The following SCAPER variants were observed in gnomAD, a reference collection of about 807,000 sequenced individuals.
SCAPER encodes the protein S phase cyclin A-associated protein in the endoplasmic reticulum.
Under a neutral mutation model 182.2 loss-of-function variants are expected in SCAPER, and 98 were observed. The ratio of observed to expected loss-of-function variants is 0.54; its 90% CI spans 0.46 to 0.64. The LOEUF (loss-of-function observed/expected upper bound fraction) is 0.64. Ranked by LOEUF, SCAPER falls within the 30% of genes least tolerant of loss-of-function variation. The pLI is 0.00. For synonymous variants in SCAPER, 605 were observed against 564.6 expected, an observed-to-expected ratio of 1.07 and a Z score of -1.01; for missense variants, 1,432 against 1,690.0, an observed-to-expected ratio of 0.85 and a Z score of 2.68.
chr15:76,426,062 G>A (rs2046403723), intron 26 of SCAPER, among the ~76,000 whole-genome samples: 1 of 152,150 alleles, frequency 6.6e-6, no homozygotes. Context: ...CGGGGGTCAG[G>A]GACCCACTTG....
intron 21 of SCAPER, among the ~76,000 whole-genome samples, chr15:76,622,821 A>G (rs561350898): frequency 1.1e-4 from 16 of 152,288 alleles, no homozygotes; most frequent in Admixed American, 4.6e-4. Flanking sequence ...CTATGATATA[A>G]TTTAGATATT....
intron 26 of SCAPER, among the ~76,000 whole-genome samples, chr15:76,430,872 T>C (rs2046815168): frequency 6.6e-6 from 1 of 152,192 alleles, no homozygotes; most frequent in Non-Finnish European, 1.5e-5. Flanking sequence ...GTGGTTTGGC[T>C]GCATCCCCAC....
At chr15:76,648,172 C>A (rs2054706451) in intron 21 of SCAPER, among the ~76,000 whole-genome samples, 1 of 138,792 alleles carries the variant, frequency 7.2e-6, no homozygotes, top group African/African-American at 2.5e-5. Context: ...AATTCATAAA[C>A]ATATTAAATG....
chr15:76,638,881 T>A (rs945175228), intron 21 of SCAPER, among the ~76,000 whole-genome samples: 4 of 152,310 alleles, frequency 2.6e-5, no homozygotes, highest in Non-Finnish European at 5.9e-5. Context: ...ATTAATTTAT[T>A]TAATTTTCAT....
chr15:76,705,955 G>A lies in SCAPER; in HGVS notation c.2195C>T (p.Thr732Ile). The change falls in exon 18 of 32, where the codon ACA (threonine) becomes ATA (isoleucine). Residue 732 changes from threonine to isoleucine, a missense_variant. Transcript: ENST00000563290. ...RDREERLAALTAAQQEAMEEL... is the reference protein window; with the variant it reads ...RDREERLAALIAAQQEAMEEL... ...TTCCATAGCTTCTTGTTGAGCAGCT[G>A]TGAGTGCTGCCAATCGTTCTTCCCT... 1 of 1,563,998 alleles carries A rather than the reference G, an allele frequency of 6.4e-7. No homozygotes were observed. The highest frequency in any genetic ancestry group is 8.7e-7 in the Non-Finnish European group (1 of 1,156,040).
intron 24 of SCAPER, among the ~76,000 whole-genome samples, chr15:76,494,574 T>C: frequency 6.6e-6 from 1 of 152,194 alleles, no homozygotes; most frequent in East Asian, 1.9e-4. Context: ...TAGTGAAAGT[T>C]TTATGTTCAT....
intron 21 of SCAPER, among the ~76,000 whole-genome samples, chr15:76,660,848 T>G (rs1256030409): frequency 6.6e-6 from 1 of 151,880 alleles, no homozygotes; most frequent in Non-Finnish European, 1.5e-5. Flanking sequence ...AAAAACTAAT[T>G]AGAGCTTATA....
intron 21 of SCAPER, among the ~76,000 whole-genome samples, chr15:76,654,273 T>C (rs2055422096): frequency 6.6e-6 from 1 of 151,812 alleles, no homozygotes; most frequent in African/African-American, 2.4e-5. Context: ...CCGGGCATGG[T>C]GGTGGGCGCC....
rs754421669 is a variant in SCAPER at position 76,753,936 on chromosome 15, G to T, written c.1738C>A (p.Arg580=). Residue 580 remains arginine (R), a synonymous_variant, in exon 15 of 32, where the codon CGG becomes AGG. Transcript: ENST00000563290. ...QKLLEREKDV[R]KWKEELLDQR... ...TCTAGCAATTCTTCCTTCCACTTCC[G>T]GACATCCTTCTCCTACGTATAGTGA... 4.3e-6 allele frequency: 7 copies of T among 1,611,870 alleles called. No individual in the cohort carries two copies. The highest frequency in any genetic ancestry group is 1.1e-5 in the South Asian group (1 of 90,854).
intron 24 of SCAPER, among the ~76,000 whole-genome samples, chr15:76,475,105 G>A (rs1327683641): frequency 6.6e-6 from 1 of 152,118 alleles, no homozygotes; most frequent in Non-Finnish European, 1.5e-5. Context: ...CATTTATGCT[G>A]ATAAAAATAA....
chr15:76,387,352 G>T (rs1395196570), intron 27 of SCAPER, among the ~76,000 whole-genome samples: 1 of 152,206 alleles, frequency 6.6e-6, no homozygotes, highest in East Asian at 1.9e-4. Flanking sequence ...AGCTTCCCAA[G>T]CATAGGGATT....
At chr15:76,464,554 G>GA (rs59376538) in intron 25 of SCAPER, among the ~76,000 whole-genome samples, 12 of 150,444 alleles carry the variant, frequency 8.0e-5, no homozygotes, top group Admixed American at 3.3e-4. Context: ...ATGTTTGGTT[G>GA]AAAAAAAAAC....
intron 22 of SCAPER, among the ~76,000 whole-genome samples, chr15:76,576,656 AAGAC>A (rs1015426021): frequency 1.3e-5 from 2 of 152,168 alleles, no homozygotes; most frequent in Non-Finnish European, 2.9e-5. Flanking sequence ...AGAGACAGGA[AAGAC>A]AGTCTTGAAA....
intron 25 of SCAPER, among the ~76,000 whole-genome samples, chr15:76,464,262 T>G (rs1596782559): frequency 6.6e-6 from 1 of 152,094 alleles, no homozygotes; most frequent in African/African-American, 2.4e-5. Flanking sequence ...AATCATGCAG[T>G]ATTTCTGTTT....
rs998779314 is a variant in SCAPER at position 76,583,128 on chromosome 15, G to A, written c.2712-8844C>T. Among the ~76,000 whole-genome samples, 15 of 152,094 alleles carry A rather than the reference G, an allele frequency of 9.9e-5. 1 individual carries two copies. Among genetic ancestry groups the A allele is most frequent in the South Asian group, 4.1e-4 (2 of 4,820 alleles). On this transcript the variant is annotated intron_variant, in intron 22 of 31. Transcript: ENST00000563290. The stretch of plus-strand genomic sequence containing the variant: ...AGCACTTTGGGAGGCTAAGGTGGGC[G>A]GATCACGAGGTCAGGAGTTTGAGAC...
chr15:76,445,150 T>C (rs1184637909), intron 25 of SCAPER, among the ~76,000 whole-genome samples: 5 of 152,234 alleles, frequency 3.3e-5, no homozygotes, highest in Admixed American at 1.3e-4. Context: ...TGAGTCTCCA[T>C]TGTTCATTAT....
At chr15:76,648,643 G>T (rs573929731) in intron 21 of SCAPER, among the ~76,000 whole-genome samples, 1 of 152,342 alleles carries the variant, frequency 6.6e-6, no homozygotes, top group South Asian at 2.1e-4. Flanking sequence ...TAGGCAGATA[G>T]TAAGAATAAG....
intron 15 of SCAPER, among the ~76,000 whole-genome samples, chr15:76,747,012 A>G (rs2061830263): frequency 6.6e-6 from 1 of 152,246 alleles, no homozygotes; most frequent in Non-Finnish European, 1.5e-5. Context: ...ACCAAACCTC[A>G]ATTCACATGG....
At chr15:76,446,772 A>T (rs1402793705) in intron 25 of SCAPER, among the ~76,000 whole-genome samples, 2 of 152,174 alleles carry the variant, frequency 1.3e-5, no homozygotes, top group East Asian at 1.9e-4. Flanking sequence ...CCATAATCTC[A>T]TAATACTGTG....
Sources: allele counts gnomAD v4.1 joint callset (sites outside exome capture counted in the v4.1 genomes callset), GRCh38; gene constraint gnomAD v4.1.1; transcripts MANE v1.5; gene names NCBI Gene and HGNC (gene_info 2026-07-23, HGNC 2026-07-21).